The following SGCZ variants were observed in gnomAD, a reference collection of about 807,000 sequenced individuals.
SGCZ encodes zeta-sarcoglycan.
Under a neutral mutation model 41.3 loss-of-function variants are expected in SGCZ, and 40 were observed. The observed-to-expected ratio is 0.97, with a 90% CI of 0.75 to 1.26. SGCZ has a LOEUF of 1.26. SGCZ is among the 50% of genes most tolerant of loss of function. SGCZ has a pLI of 0.00. For synonymous variants in SGCZ, 206 were observed against 137.5 expected, an observed-to-expected ratio of 1.50 and a Z score of -3.49; for missense variants, 552 against 369.8, an observed-to-expected ratio of 1.49 and a Z score of -4.04.
In SGCZ at chr8:14,940,895, G is replaced by A. The variant is rs977536640; in HGVS notation, c.39+296690C>T. Among the ~76,000 whole-genome samples the A allele has an allele frequency of 4.0e-5, 6 of 151,844 alleles. No individual in the cohort carries two copies. The South Asian group carries it at 1.0e-3, about 26-fold the overall frequency. Reference sequence around the variant, plus strand: ...AGACTACATTGTTAACATATAAAGGGCTCCTACAGATTAATACGAAAATGG... The same window carrying A: ...AGACTACATTGTTAACATATAAAGGACTCCTACAGATTAATACGAAAATGG... On this transcript the variant is annotated intron_variant, in intron 1 of 7. Transcript: ENST00000382080.
At chr8:14,278,555 G>A (rs953732321) in intron 3 of SGCZ, among the ~76,000 whole-genome samples, 8 of 151,984 alleles carry the variant, frequency 5.3e-5, no homozygotes, top group South Asian at 4.2e-4. Context: ...CTCATTTCAC[G>A]TTGAAAAATA....
At chr8:14,764,285 C>G (rs1289693142) in intron 1 of SGCZ, among the ~76,000 whole-genome samples, 4 of 152,118 alleles carry the variant, frequency 2.6e-5, no homozygotes, top group Non-Finnish European at 4.4e-5. Context: ...GACAAAAACC[C>G]TAATAGATTG....
At chr8:14,425,895 G>C (rs535601445) in intron 2 of SGCZ, among the ~76,000 whole-genome samples, 1 of 152,072 alleles carries the variant, frequency 6.6e-6, no homozygotes, top group African/African-American at 2.4e-5. Flanking sequence ...ATTTATTAAA[G>C]AAGGTTCAGG....
intron 1 of SGCZ, among the ~76,000 whole-genome samples, chr8:15,201,830 T>C (rs1346653657): frequency 6.6e-6 from 1 of 152,240 alleles, no homozygotes; most frequent in African/African-American, 2.4e-5. Context: ...CAGTCATTTA[T>C]CTACCCTGAC....
intron 1 of SGCZ, among the ~76,000 whole-genome samples, chr8:14,958,663 CAA>C (rs925602080): frequency 2.0e-5 from 3 of 151,888 alleles, no homozygotes; most frequent in Non-Finnish European, 2.9e-5. Flanking sequence ...TGCATTTGCA[CAA>C]ACTCAGAAAA....
intron 1 of SGCZ, among the ~76,000 whole-genome samples, chr8:14,732,056 T>C (rs1196516906): frequency 6.6e-6 from 1 of 152,214 alleles, no homozygotes; most frequent in Non-Finnish European, 1.5e-5. Flanking sequence ...TGTTGAGCTT[T>C]CTCTTTAGAA....
At chr8:14,610,031 T>C (rs999736342) in intron 1 of SGCZ, among the ~76,000 whole-genome samples, 3 of 152,216 alleles carry the variant, frequency 2.0e-5, no homozygotes, top group East Asian at 1.9e-4. Flanking sequence ...TACGATCTTA[T>C]TTAAATCAAT....
Position 14,087,338 on chromosome 8 carries a change from GA to G in SGCZ, c.*3104del, listed in dbSNP as rs1165723813. On this transcript the variant is annotated 3_prime_UTR_variant, in exon 8 of 8. Transcript: ENST00000382080. ...TTGAAGTATTTAATTGAAATCTTCT[GA>G]AAAAGAAAAGAATAATGTGTCCTCT... Among the ~76,000 whole-genome samples the G allele has an allele frequency of 9.9e-5, 15 of 151,412 alleles. No individual in the cohort carries two copies. Among genetic ancestry groups the G allele is most frequent in the Non-Finnish European group, 2.1e-4 (14 of 67,662 alleles).
At chr8:14,510,244 A>G (rs1802429511) in intron 2 of SGCZ, among the ~76,000 whole-genome samples, 1 of 152,170 alleles carries the variant, frequency 6.6e-6, no homozygotes, top group Non-Finnish European at 1.5e-5. Context: ...GAAGTAAAAT[A>G]AGAGGCAGAC....
At chr8:14,454,829 A>G (rs1234764692) in intron 2 of SGCZ, among the ~76,000 whole-genome samples, 1 of 152,160 alleles carries the variant, frequency 6.6e-6, no homozygotes, top group Non-Finnish European at 1.5e-5. Flanking sequence ...GTAGCCATTT[A>G]AAAATATTAA....
chr8:14,681,922 T>A (rs1438487013), intron 1 of SGCZ, among the ~76,000 whole-genome samples: 1 of 152,066 alleles, frequency 6.6e-6, no homozygotes, highest in East Asian at 1.9e-4. Flanking sequence ...GTAAGTATTT[T>A]AATGTTCCAT....
At chr8:14,510,188 G>A (rs764405383) in intron 2 of SGCZ, among the ~76,000 whole-genome samples, 10 of 152,062 alleles carry the variant, frequency 6.6e-5, no homozygotes, top group Non-Finnish European at 1.0e-4. Context: ...TAAGTTTTGA[G>A]TTTATTATTA....
chr8:14,264,548 T>C (rs952523229), intron 3 of SGCZ, among the ~76,000 whole-genome samples: 3 of 152,124 alleles, frequency 2.0e-5, no homozygotes, highest in Non-Finnish European at 2.9e-5. Context: ...ACACAACACC[T>C]GCAGACTAGT....
At chr8:14,614,514 A>G (rs1457516196) in intron 1 of SGCZ, among the ~76,000 whole-genome samples, 2 of 152,126 alleles carry the variant, frequency 1.3e-5, no homozygotes, top group Non-Finnish European at 1.5e-5. Flanking sequence ...GTAGCCTTTT[A>G]TCTTTCAAGA....
intron 1 of SGCZ, among the ~76,000 whole-genome samples, chr8:14,772,799 T>A (rs1186936442): frequency 6.6e-6 from 1 of 152,146 alleles, no homozygotes; most frequent in African/African-American, 2.4e-5. Flanking sequence ...GGTGTATATG[T>A]GCCACATTTC....
At chr8:14,577,979 T>A (rs1804767161) in intron 1 of SGCZ, among the ~76,000 whole-genome samples, 1 of 152,208 alleles carries the variant, frequency 6.6e-6, no homozygotes, top group Admixed American at 6.5e-5. Flanking sequence ...GAGCTTGATA[T>A]GCACTGCAAT....
intron 1 of SGCZ, among the ~76,000 whole-genome samples, chr8:15,087,914 T>G (rs1321734958): frequency 6.6e-6 from 1 of 152,112 alleles, no homozygotes; most frequent in Non-Finnish European, 1.5e-5. Context: ...TAAATTAACG[T>G]GAGGCTTTAT....
At chr8:14,462,934 T>C (rs1260832932) in intron 2 of SGCZ, among the ~76,000 whole-genome samples, 1 of 151,794 alleles carries the variant, frequency 6.6e-6, no homozygotes, top group African/African-American at 2.4e-5. Context: ...TTCTATTTCA[T>C]TATTTCTGAT....
chr8:14,783,331 A>G (rs779330444), intron 1 of SGCZ, among the ~76,000 whole-genome samples: 7 of 151,944 alleles, frequency 4.6e-5, no homozygotes, highest in African/African-American at 7.2e-5. Context: ...CTACTCTGGA[A>G]GCTGAGGAAG....
Sources: allele counts gnomAD v4.1 joint callset (sites outside exome capture counted in the v4.1 genomes callset), GRCh38; gene constraint gnomAD v4.1.1; transcripts MANE v1.5; gene names NCBI Gene and HGNC (gene_info 2026-07-23, HGNC 2026-07-21).